SERPINB2: variants seen among roughly 807,000 people sequenced by gnomAD.
SERPINB2 encodes serpin family B member 2.
In SERPINB2, 28 loss-of-function variants were observed where a neutral mutation model predicts 39.4. That is an observed-to-expected ratio of 0.71 (90% CI 0.53 to 0.97). The LOEUF is 0.97. Among genes scored for constraint, SERPINB2 ranks in the 50% least tolerant of loss-of-function variants. The probability of loss-of-function intolerance (pLI) is 0.00; values close to 1 mark genes in which losing one functional copy is unlikely to be tolerated. For missense variants in SERPINB2, 557 were observed against 505.3 expected, an observed-to-expected ratio of 1.10 and a Z score of -0.98; for synonymous variants, 209 against 175.1, an observed-to-expected ratio of 1.19 and a Z score of -1.53.
At chr18:63,902,710 A>C in intron 7 of SERPINB2, 142 bp downstream of exon 7, 1 of 1,063,450 alleles carries the variant, frequency 9.4e-7, no homozygotes, top group Non-Finnish European at 1.3e-6. Context: ...ATGCCTCTAC[A>C]TTTCATTCAA....
chr18:63,898,703 G>A (rs760166911), intron 5 of SERPINB2, among the ~76,000 whole-genome samples: 1 of 152,156 alleles, frequency 6.6e-6, no homozygotes, highest in Non-Finnish European at 1.5e-5. Flanking sequence ...CTATGTGGGA[G>A]TACACAGGAA....
In SERPINB2 at chr18:63,897,163, T is replaced by A. The variant is rs975913517; in HGVS notation, c.361T>A (p.Tyr121Asn). 2 of 1,613,550 alleles carry A rather than the reference T, an allele frequency of 1.2e-6. No individual in the cohort carries two copies. ...TGCAATCAATGCATCCACAGGGAAT[T>A]ATTTACTGGAAAGTGTCAATAAGCT... ...SSAINASTGN[Y>N]LLESVNKLFG... The change falls in exon 4 of 8, where the codon TAT becomes AAT. Residue 121 changes from tyrosine to asparagine, a missense_variant. Coordinates refer to ENST00000299502, the MANE Select transcript of SERPINB2 (RefSeq NM_002575.3).
intron 4 of SERPINB2, 43 bp from the exon 5 acceptor site, chr18:63,897,684 G>C: frequency 8.0e-7 from 1 of 1,253,032 alleles, no homozygotes; most frequent in Non-Finnish European, 1.2e-6. Flanking sequence ...TGGCTTGTTT[G>C]GTATGTATTT....
Position 63,902,584 on chromosome 18 carries a change from ATTTAAGTTTCTGGGG to A in SERPINB2, c.843+17_843+31del, listed in dbSNP as rs2144708027. 1 of 1,574,548 alleles carries A rather than the reference ATTTAAGTTTCTGGGG, an allele frequency of 6.4e-7. No homozygotes were observed. Among genetic ancestry groups the A allele is most frequent in the East Asian group, 2.3e-5 (1 of 43,172 alleles). ...CTTGGAGCTGGTAAGACATTCAGAT[ATTTAAGTTTCTGGGG>A]CTATACCTACCTTTCGTGAGATGAG... is the stretch of plus-strand genomic sequence containing the variant. On this transcript the variant is annotated intron_variant, in intron 7 of 7. Coordinates refer to ENST00000299502, the MANE Select transcript of SERPINB2 (RefSeq NM_002575.3).
chr18:63,902,873 G>T (rs765006513), intron 7 of SERPINB2, 28 bp from the exon 8 acceptor site: 17 of 1,518,638 alleles, frequency 1.1e-5, no homozygotes, highest in Non-Finnish European at 1.5e-5. Context: ...ATTTTCTTTT[G>T]TTTGTTTTGT....
At chr18:63,902,608 AC>A in intron 7 of SERPINB2, 40 bp downstream of exon 7, 1 of 1,522,968 alleles carries the variant, frequency 6.6e-7, no homozygotes, top group Non-Finnish European at 8.9e-7. Flanking sequence ...GGCTATACCT[AC>A]CTTTCGTGAG....
chr18:63,901,085 C>A (rs2049988313), intron 5 of SERPINB2, among the ~76,000 whole-genome samples: 1 of 152,092 alleles, frequency 6.6e-6, no homozygotes, highest in Non-Finnish European at 1.5e-5. Context: ...ACTCATTTGT[C>A]ATTGTTTCTG....
chr18:63,898,647 A>AT (rs1337995916), intron 5 of SERPINB2, among the ~76,000 whole-genome samples: 1 of 152,176 alleles, frequency 6.6e-6, no homozygotes, highest in Non-Finnish European at 1.5e-5. Flanking sequence ...CATGTTGGCA[A>AT]TTGCTATAGA....
At chr18:63,892,939 T>G (rs77311231) in intron 2 of SERPINB2, among the ~76,000 whole-genome samples, 1 of 152,184 alleles carries the variant, frequency 6.6e-6, no homozygotes, top group Non-Finnish European at 1.5e-5. Flanking sequence ...TCTTTTTTCC[T>G]TTCTTTTTTT....
chr18:63,902,945 C>T lies in SERPINB2; in HGVS notation c.888C>T (p.Ser296=). The T allele has an allele frequency of 6.2e-7, 1 of 1,612,832 alleles. No homozygotes were observed. Among genetic ancestry groups the T allele is most frequent in the Non-Finnish European group, 8.5e-7 (1 of 1,179,398 alleles). Residue 296 remains serine, a synonymous_variant, in exon 8 of 8, where the codon AGC becomes AGT. Coordinates refer to ENST00000299502, the MANE Select transcript of SERPINB2 (RefSeq NM_002575.3). ...ITYDKLNKWT[S]KDKMAEDEVE... ...ATGACAAACTCAACAAGTGGACCAG[C>T]AAAGACAAAATGGCTGAAGATGAAG...
rs746817174 is a variant in SERPINB2, at chr18:63,897,115, T to G, written c.313T>G (p.Ser105Ala). 6.2e-7 allele frequency: 1 copy of G among 1,613,232 alleles called. No individual in the cohort carries two copies. Among genetic ancestry groups the G allele is most frequent in the South Asian group, 1.1e-5 (1 of 90,994 alleles). The change falls in exon 4 of 8, where the codon TCA (serine) becomes GCA (alanine). Residue 105 changes from serine (S) to alanine (A), a missense_variant. Transcript: ENST00000299502. ...GGCACAAGCTGCAGATAAAATCCAT[T>G]CATCCTTCCGCTCTCTCAGCTCTGC... is the stretch of plus-strand genomic sequence containing the variant. The part of the protein sequence containing the change: ...LQAQAADKIH[S>A]SFRSLSSAIN...
Position 63,897,811 on chromosome 18 carries a change from A to C in SERPINB2, c.502A>C (p.Lys168Gln). The change falls in exon 5 of 8, where the codon AAG (lysine) becomes CAG (glutamine). Residue 168 changes from lysine to glutamine, a missense_variant. Lys to Gln is a moderately conservative substitution (Grantham distance 53). Transcript: ENST00000299502. ...AGAATGTGCAGAAGAAGCTAGAAAAAAGATTAATTCCTGGGTCAAGACTCA... is the reference window on the plus strand; with the variant it reads ...AGAATGTGCAGAAGAAGCTAGAAAACAGATTAATTCCTGGGTCAAGACTCA... ...FLECAEEARKKINSWVKTQTK... is the reference protein window; with the variant it reads ...FLECAEEARKQINSWVKTQTK... The C allele has an allele frequency of 6.2e-7, 1 of 1,612,120 alleles. No individual in the cohort carries two copies. Among genetic ancestry groups the C allele is most frequent in the Non-Finnish European group, 8.5e-7 (1 of 1,178,440 alleles).
At position 63,903,183 on chromosome 18, in the gene SERPINB2, G is replaced by A. The variant is rs764303590; in HGVS notation, c.1126G>A (p.Val376Ile). 10 of 1,613,672 alleles carry A rather than the reference G, an allele frequency of 6.2e-6. No individual in the cohort carries two copies. The highest frequency in any genetic ancestry group is 1.7e-5 in the Admixed American group (1 of 59,974). Reference protein sequence around the residue: ...GTEAAAGTGGVMTGRTGHGGP... With the variant: ...GTEAAAGTGGIMTGRTGHGGP... ...TGAAGCAGCCGCTGGCACAGGAGGTGTTATGACAGGGAGAACTGGACATGG... is the reference window on the plus strand; with the variant it reads ...TGAAGCAGCCGCTGGCACAGGAGGTATTATGACAGGGAGAACTGGACATGG... Residue 376 changes from valine to isoleucine, a missense_variant, in exon 8 of 8, where the codon GTT (valine) becomes ATT (isoleucine). Physicochemically the swap from Val to Ile is conservative, Grantham distance 29. Coordinates refer to ENST00000299502, the MANE Select transcript of SERPINB2 (RefSeq NM_002575.3).
Position 63,903,195 on chromosome 18 carries a change from A to T in SERPINB2, c.1138A>T (p.Arg380Ter), listed in dbSNP as rs756067316. ...AAGTGGVMTG[R>*]TGHGGPQFVA... Reference sequence around the variant, plus strand: ...TGGCACAGGAGGTGTTATGACAGGGAGAACTGGACATGGAGGCCCACAGTT... The same window carrying T: ...TGGCACAGGAGGTGTTATGACAGGGTGAACTGGACATGGAGGCCCACAGTT... Residue 380 changes from arginine (R) to a stop codon, truncating the protein, a stop_gained, in exon 8 of 8, where the codon AGA becomes TGA. Coordinates refer to ENST00000299502, the MANE Select transcript of SERPINB2 (RefSeq NM_002575.3). LOFTEE classifies it high-confidence loss of function. The T allele has an allele frequency of 5.6e-6, 9 of 1,613,584 alleles. No individual in the cohort carries two copies. Among genetic ancestry groups the T allele is most frequent in the Non-Finnish European group, 7.6e-6 (9 of 1,179,698 alleles).
At chr18:63,902,177 G>T (rs1237876976) in intron 6 of SERPINB2, among the ~76,000 whole-genome samples, 1 of 152,090 alleles carries the variant, frequency 6.6e-6, no homozygotes, top group Non-Finnish European at 1.5e-5. Context: ...TAGAATTATG[G>T]TTGTCATTAC....
At chr18:63,894,909 T>C (rs538139326) in intron 2 of SERPINB2, among the ~76,000 whole-genome samples, 1 of 152,348 alleles carries the variant, frequency 6.6e-6, no homozygotes, top group South Asian at 2.1e-4. Flanking sequence ...GAGTTAATCT[T>C]GTGACTTTCT....
intron 6 of SERPINB2, 146 bp downstream of exon 6, chr18:63,902,028 A>G (rs2049994803): frequency 1.3e-6 from 1 of 787,900 alleles, no homozygotes; most frequent in African/African-American, 1.8e-5. Flanking sequence ...TAGAAACAGT[A>G]TAGGTAAAGG....
intron 5 of SERPINB2, among the ~76,000 whole-genome samples, chr18:63,899,343 GT>G (rs1319954513): frequency 6.6e-6 from 1 of 152,032 alleles, no homozygotes; most frequent in African/African-American, 2.4e-5. Flanking sequence ...TTTTGGGTAG[GT>G]CCAGTATGTC....
intron 1 of SERPINB2, 25 bp from the exon 2 acceptor site, chr18:63,891,411 T>G: frequency 6.2e-7 from 1 of 1,612,402 alleles, no homozygotes; most frequent in South Asian, 1.1e-5. Flanking sequence ...CAGAGCTGTT[T>G]TTTTCTTCCT....
Sources: gnomAD v4.1 joint callset for allele counts (sites outside exome capture counted in the v4.1 genomes callset) on GRCh38, gnomAD v4.1.1 for gene constraint, MANE v1.5 for transcripts, NCBI Gene and HGNC (gene_info 2026-07-23, HGNC 2026-07-21) for gene names.